SLC26A3: variants seen among roughly 807,000 people sequenced by gnomAD.
SLC26A3 encodes chloride anion exchanger.
Under a neutral mutation model 85.6 loss-of-function variants are expected in SLC26A3, and 64 were observed. That is an observed-to-expected ratio of 0.75 (90% CI 0.61 to 0.92). The LOEUF is 0.92. Ranked by LOEUF, SLC26A3 falls within the 40% of genes least tolerant of loss-of-function variation. The pLI, the probability that SLC26A3 is intolerant of heterozygous loss-of-function variation, is 0.00. For synonymous variants in SLC26A3, 349 were observed against 336.0 expected (o/e 1.04, Z -0.42); for missense variants, 922 against 927.3 (o/e 0.99, Z 0.07).
intron 4 of SLC26A3, 37 bp downstream of exon 4, chr7:107,791,793 A>G: frequency 7.6e-7 from 1 of 1,311,402 alleles, no homozygotes. Context: ...TAAGGAAAAA[A>G]CAATGTGAGC....
Position 107,779,675 on chromosome 7 carries a change from T to G in SLC26A3, c.1400A>C (p.Tyr467Ser). The G allele has an allele frequency of 6.2e-7, 1 of 1,612,600 alleles. No homozygotes were observed. The highest frequency in any genetic ancestry group is 8.5e-7 in the Non-Finnish European group (1 of 1,178,654). Reference sequence around the variant, plus strand: ...ACTATTGCCTCTACTTACACAATCATATTTGTCCTTTCGCCACAATCTGCC... The same window carrying G: ...ACTATTGCCTCTACTTACACAATCAGATTTGTCCTTTCGCCACAATCTGCC... Reference protein sequence around the residue: ...EIGRLWRKDKYDCLIWIMTFI... With the variant: ...EIGRLWRKDKSDCLIWIMTFI... Residue 467 changes from tyrosine (Y) to serine (S), a missense_variant, in exon 12 of 21, where the codon TAT (tyrosine) becomes TCT (serine). Physicochemically the swap from Tyr to Ser is moderately radical, Grantham distance 144 (BLOSUM62 -2). Coordinates refer to ENST00000340010, the MANE Select transcript of SLC26A3 (RefSeq NM_000111.3).
chr7:107,789,808 C>A, intron 5 of SLC26A3, 120 bp from the exon 6 acceptor site: 1 of 1,062,568 alleles, frequency 9.4e-7, no homozygotes, highest in Non-Finnish European at 1.4e-6. Context: ...ATGTACATGC[C>A]TTGAAGAAGC....
chr7:107,789,498 A>G (rs777392611), intron 6 of SLC26A3, 26 bp downstream of exon 6: 2 of 1,607,070 alleles, frequency 1.2e-6, no homozygotes, highest in South Asian at 1.1e-5. Flanking sequence ...GTATTTCAGT[A>G]TTTTTTAGGT....
At chr7:107,797,973 T>C (rs1388370058) in intron 1 of SLC26A3, among the ~76,000 whole-genome samples, 2 of 152,136 alleles carry the variant, frequency 1.3e-5, no homozygotes, top group Admixed American at 1.3e-4. Context: ...TCATGTTCTA[T>C]CTTCATGGAT....
chr7:107,800,097 G>A (rs1015461994), intron 1 of SLC26A3, among the ~76,000 whole-genome samples: 1 of 152,146 alleles, frequency 6.6e-6, no homozygotes, highest in Admixed American at 6.5e-5. Context: ...ATTGCAGCAG[G>A]TTCCTAACAC....
At chr7:107,790,026 ACCTAGCATCAG>A (rs1794366095) in intron 5 of SLC26A3, among the ~76,000 whole-genome samples, 1 of 152,198 alleles carries the variant, frequency 6.6e-6, no homozygotes, top group Admixed American at 6.5e-5. Flanking sequence ...GTAGAATCTT[ACCTAGCATCAG>A]CCCTCATAAA....
chr7:107,765,953 G>A (rs1439795184), intron 20 of SLC26A3, 75 bp from the exon 21 acceptor site: 1 of 1,266,158 alleles, frequency 7.9e-7, no homozygotes, highest in Non-Finnish European at 1.1e-6. Flanking sequence ...TTAGGAGCTA[G>A]AATTTACCAG....
intron 12 of SLC26A3, 87 bp from the exon 13 acceptor site, chr7:107,778,368 T>C (rs1198344201): frequency 2.3e-6 from 2 of 872,164 alleles, no homozygotes; most frequent in African/African-American, 3.6e-5. Context: ...GACTTTTTTT[T>C]TTTTTTTTTG....
At chr7:107,770,555 G>A (rs1035359517) in intron 18 of SLC26A3, among the ~76,000 whole-genome samples, 2 of 152,000 alleles carry the variant, frequency 1.3e-5, no homozygotes, top group African/African-American at 4.8e-5. Flanking sequence ...ACCGCTCCCA[G>A]CCTCTGTTTC....
At chr7:107,781,509 G>A (rs555654975) in intron 11 of SLC26A3, among the ~76,000 whole-genome samples, 4 of 152,242 alleles carry the variant, frequency 2.6e-5, no homozygotes, top group Admixed American at 1.3e-4. Context: ...GTTTACACCC[G>A]GGGAGAAGCA....
In SLC26A3 at chr7:107,770,032, TTC is replaced by T. The variant is rs780417677; in HGVS notation, c.2062+2020_2062+2021del. 1.9e-3 allele frequency among the ~76,000 whole-genome samples: 201 copies of T among 103,226 alleles called. 1 individual carries two copies. Among genetic ancestry groups the T allele is most frequent in the Non-Finnish European group, 2.9e-3 (136 of 46,850 alleles). 67.7% of individuals were successfully genotyped at this position (103,226 alleles called of 152,430 possible). A position where few individuals can be genotyped will look rare whatever the true frequency, so the allele number is the denominator to read the frequency against. On this transcript the variant is annotated intron_variant, in intron 18 of 20. Transcript: ENST00000340010. ...TTTCTTTCTTTCTTTCTTTCTTTCT[TTC>T]TTTCTTTCTTTCTTTCTCTTTTCTT...
In SLC26A3 at chr7:107,778,313, T is replaced by C. The variant is rs375186510; in HGVS notation, c.1408-32A>G. On this transcript the variant is annotated intron_variant, in intron 12 of 20. Coordinates refer to ENST00000340010, the MANE Select transcript of SLC26A3 (RefSeq NM_000111.3). ...AAAGAAAGCAACACATACACTACAATTTACTTTGATTAAAGTACAATGTCG... is the reference window on the plus strand; with the variant it reads ...AAAGAAAGCAACACATACACTACAACTTACTTTGATTAAAGTACAATGTCG... 2.1e-5 allele frequency: 28 copies of C among 1,339,136 alleles called. No individual in the cohort carries two copies. The African/African-American group carries it at 3.0e-4, about 14-fold the overall frequency. 83.0% of individuals were successfully genotyped at this position (1,339,136 alleles called of 1,614,324 possible).
In SLC26A3 at chr7:107,784,684, G is replaced by A. The variant is rs1794264694; in HGVS notation, c.972-1332C>T. ...TGACCACAAGTGATTCACCCGCCTC[G>A]ACCTCCCAACGTGCTGAGATTACAG... On this transcript the variant is annotated intron_variant, in intron 8 of 20. Transcript: ENST00000340010. Among the ~76,000 whole-genome samples the A allele has an allele frequency of 2.6e-5, 4 of 152,246 alleles. No individual in the cohort carries two copies. In the South Asian group the frequency reaches 8.3e-4, roughly 32 times the overall value.
At position 107,765,747 on chromosome 7, in the gene SLC26A3, C is replaced by G; in HGVS notation, c.*108G>C. The G allele has an allele frequency of 1.2e-6, 1 of 836,678 alleles. No individual in the cohort carries two copies. The highest frequency in any genetic ancestry group is 2.5e-5 in the East Asian group (1 of 40,700). 51.8% of individuals were successfully genotyped at this position (836,678 alleles called of 1,614,324 possible). A position where few individuals can be genotyped will look rare whatever the true frequency, so the allele number is the denominator to read the frequency against. On this transcript the variant is annotated 3_prime_UTR_variant, in exon 21 of 21. Coordinates refer to ENST00000340010, the MANE Select transcript of SLC26A3 (RefSeq NM_000111.3). Reference sequence around the variant, plus strand: ...CTTGTTCCAAAGTTTGAAACATATTCTGTCAAAAATACTCTTCGTACAATG... The same window carrying G: ...CTTGTTCCAAAGTTTGAAACATATTGTGTCAAAAATACTCTTCGTACAATG...
chr7:107,786,786 T>C, intron 8 of SLC26A3, 41 bp downstream of exon 8: 1 of 1,510,610 alleles, frequency 6.6e-7, no homozygotes, highest in Non-Finnish European at 9.2e-7. Context: ...GCTAACTCTC[T>C]GCTTAGTGCA....
intron 2 of SLC26A3, 145 bp downstream of exon 2, chr7:107,794,234 A>G: frequency 2.2e-6 from 2 of 919,262 alleles, no homozygotes; most frequent in Non-Finnish European, 1.7e-6. Context: ...CAACTCTGTC[A>G]GGGAGTAGGA....
At chr7:107,767,977 A>C (rs1793944714) in intron 18 of SLC26A3, 69 bp from the exon 19 acceptor site, 1 of 1,455,592 alleles carries the variant, frequency 6.9e-7, no homozygotes, top group Non-Finnish European at 9.6e-7. Flanking sequence ...CCTTGAGGCT[A>C]GTAATTTCAC....
intron 11 of SLC26A3, among the ~76,000 whole-genome samples, chr7:107,780,952 C>T (rs1008236568): frequency 3.9e-5 from 6 of 152,150 alleles, no homozygotes; most frequent in African/African-American, 1.2e-4. Context: ...GACTGTACAA[C>T]GGGCCTCTCC....
At position 107,797,629 on chromosome 7, in the gene SLC26A3, T is replaced by C. The variant is rs140369107; in HGVS notation, c.-88-3032A>G. Among the ~76,000 whole-genome samples, 1,217 of 152,328 alleles carry C rather than the reference T, an allele frequency of 8.0e-3. 9 individuals carry two copies. Among genetic ancestry groups the C allele is most frequent in the Non-Finnish European group, 0.012 (837 of 68,030 alleles). ...ATGCCTCCATGTGTAACATACAATG[T>C]GGGCCTCTGAATCAACTACCCCAAT... On this transcript the variant is annotated intron_variant, in intron 1 of 20. Transcript: ENST00000340010.
Sources: allele counts gnomAD v4.1 joint callset (sites outside exome capture counted in the v4.1 genomes callset), GRCh38; gene constraint gnomAD v4.1.1; transcripts MANE v1.5; gene names NCBI Gene and HGNC (gene_info 2026-07-23, HGNC 2026-07-21).